Variants in SLC25A13 observed in about 807,000 individuals in gnomAD.
SLC25A13 encodes the protein solute carrier family 25 member 13.
A neutral mutation model predicts 85.5 loss-of-function variants in SLC25A13; 70 were observed. That is an observed-to-expected ratio of 0.82 (90% CI 0.68 to 1.00). The LOEUF (loss-of-function observed/expected upper bound fraction) is 1.00. Ranked by LOEUF, SLC25A13 falls within the 50% of genes least tolerant of loss-of-function variation. The pLI, the probability that SLC25A13 is intolerant of heterozygous loss-of-function variation, is 0.00. For missense variants in SLC25A13, 765 were observed against 819.8 expected (o/e 0.93, Z 0.82); for synonymous variants, 259 against 288.7 (o/e 0.90, Z 1.04).
chr7:96,277,203 T>C lies in SLC25A13; in HGVS notation c.205A>G (p.Lys69Glu), dbSNP rs567369040. ...AATTAAAAATAAACATACCCATCTT[T>C]GGTCTGATCCACCACTCCACTTAAA... Reference protein sequence around the residue: ...ELLSGVVDQTKDGLISFQEFV... With the variant: ...ELLSGVVDQTEDGLISFQEFV... Residue 69 changes from lysine (K) to glutamate (E), a missense_variant, in exon 3 of 18, where the codon AAA becomes GAA. By Grantham distance (56) the Lys-to-Glu change is moderately conservative (BLOSUM62 1). Coordinates refer to ENST00000265631, the MANE Select transcript of SLC25A13 (RefSeq NM_014251.3). 6.3e-7 allele frequency: 1 copy of C among 1,589,602 alleles called. No homozygotes were observed. Among genetic ancestry groups the C allele is most frequent in the Non-Finnish European group, 8.6e-7 (1 of 1,166,588 alleles).
intron 2 of SLC25A13, among the ~76,000 whole-genome samples, chr7:96,290,750 C>T (rs957847696): frequency 6.6e-6 from 1 of 152,110 alleles, no homozygotes; most frequent in Non-Finnish European, 1.5e-5. Flanking sequence ...ACATATGCAC[C>T]CAATACAGGA....
At chr7:96,246,438 T>C (rs932949454) in intron 3 of SLC25A13, among the ~76,000 whole-genome samples, 2 of 152,108 alleles carry the variant, frequency 1.3e-5, no homozygotes, top group Non-Finnish European at 2.9e-5. Context: ...TAAAACAATA[T>C]TCTAAAACGA....
At chr7:96,270,004 C>T (rs1798176159) in intron 3 of SLC25A13, among the ~76,000 whole-genome samples, 1 of 152,086 alleles carries the variant, frequency 6.6e-6, no homozygotes. Context: ...GATGTTGGTC[C>T]AACAATATAA....
chr7:96,274,351 C>G (rs907663738), intron 3 of SLC25A13, among the ~76,000 whole-genome samples: 1 of 151,874 alleles, frequency 6.6e-6, no homozygotes, highest in Non-Finnish European at 1.5e-5. Context: ...TTGTTGATGG[C>G]GCTGTTTGTT....
At chr7:96,269,830 CA>C (rs1798166313) in intron 3 of SLC25A13, among the ~76,000 whole-genome samples, 1 of 152,152 alleles carries the variant, frequency 6.6e-6, no homozygotes, top group South Asian at 2.1e-4. Context: ...ACCTGAAGGA[CA>C]ATATGTTAAG....
At chr7:96,170,999 T>C (rs904612429) in intron 12 of SLC25A13, among the ~76,000 whole-genome samples, 38 of 152,124 alleles carry the variant, frequency 2.5e-4, no homozygotes, top group Non-Finnish European at 4.1e-4. Context: ...ATGAATCCTA[T>C]AAAAACAGCA....
intron 4 of SLC25A13, among the ~76,000 whole-genome samples, chr7:96,225,478 G>A (rs1172341225): frequency 6.6e-6 from 1 of 151,578 alleles, no homozygotes; most frequent in African/African-American, 2.4e-5. Context: ...CAGGCATGTT[G>A]AGGCTGCAGT....
intron 15 of SLC25A13, among the ~76,000 whole-genome samples, 190 bp downstream of exon 15, chr7:96,131,553 T>C (rs1286656145): frequency 6.6e-6 from 1 of 152,240 alleles, no homozygotes; most frequent in African/African-American, 2.4e-5. Context: ...TAAGCTTGTC[T>C]AATAATCTCA....
chr7:96,173,049 C>T lies in SLC25A13; in HGVS notation c.1178-1525G>A, dbSNP rs557245165. ...TCGGGATTACAGGCGTGAGCCACAGCGCCCGGCCTCCAGTTTCTATTTTTA... is the reference window on the plus strand; with the variant it reads ...TCGGGATTACAGGCGTGAGCCACAGTGCCCGGCCTCCAGTTTCTATTTTTA... On this transcript the variant is annotated intron_variant, in intron 11 of 17. Coordinates refer to ENST00000265631, the MANE Select transcript of SLC25A13 (RefSeq NM_014251.3). Among the ~76,000 whole-genome samples the T allele has an allele frequency of 1.2e-4, 18 of 152,332 alleles. No individual in the cohort carries two copies. The South Asian group carries it at 3.1e-3, about 26-fold the overall frequency.
At chr7:96,311,674 C>T (rs1193978266) in intron 1 of SLC25A13, among the ~76,000 whole-genome samples, 2 of 152,072 alleles carry the variant, frequency 1.3e-5, no homozygotes, top group African/African-American at 4.8e-5. Flanking sequence ...TTTAGCATTC[C>T]TACAGGGACT....
chr7:96,151,333 C>T (rs1310004038), intron 13 of SLC25A13, among the ~76,000 whole-genome samples: 1 of 152,134 alleles, frequency 6.6e-6, no homozygotes, highest in East Asian at 1.9e-4. Context: ...TGTGGTGGCT[C>T]ACACCTGTAA....
At chr7:96,282,076 A>G (rs1350432411) in intron 2 of SLC25A13, among the ~76,000 whole-genome samples, 1 of 152,186 alleles carries the variant, frequency 6.6e-6, no homozygotes, top group Non-Finnish European at 1.5e-5. Flanking sequence ...AATATTTTTC[A>G]CTAGTGAGCT....
Position 96,297,993 on chromosome 7 carries a change from C to G in SLC25A13, c.16-1042G>C, listed in dbSNP as rs145693376. Among the ~76,000 whole-genome samples the G allele has an allele frequency of 4.6e-3, 694 of 152,236 alleles. 3 individuals carry two copies. Among genetic ancestry groups the G allele is most frequent in the African/African-American group, 0.016 (652 of 41,542 alleles). ...TTCCTCAGGCCAACACAAAAGAGCC[C>G]TTATGTGGAACCAAACAGTGGGTTT... On this transcript the variant is annotated intron_variant, in intron 1 of 17. Coordinates refer to ENST00000265631, the MANE Select transcript of SLC25A13 (RefSeq NM_014251.3).
intron 1 of SLC25A13, among the ~76,000 whole-genome samples, chr7:96,311,780 T>C (rs1022404245): frequency 1.3e-5 from 2 of 151,810 alleles, no homozygotes; most frequent in Admixed American, 1.3e-4. Flanking sequence ...TACAGAGAAA[T>C]GAAAAGAAGT....
intron 1 of SLC25A13, among the ~76,000 whole-genome samples, chr7:96,319,611 C>T (rs1471910304): frequency 6.6e-6 from 1 of 151,536 alleles, no homozygotes; most frequent in Non-Finnish European, 1.5e-5. Flanking sequence ...AGTAAATGAC[C>T]TCACTGATCA....
chr7:96,179,255 A>T (rs1794333955), intron 11 of SLC25A13, among the ~76,000 whole-genome samples: 1 of 152,202 alleles, frequency 6.6e-6, no homozygotes, highest in South Asian at 2.1e-4. Flanking sequence ...TCTTCTATCT[A>T]AACTATTTCC....
chr7:96,297,701 TCA>T (rs1350125227), intron 1 of SLC25A13, among the ~76,000 whole-genome samples: 3 of 152,166 alleles, frequency 2.0e-5, no homozygotes, highest in East Asian at 1.9e-4. Context: ...GAGTTACTTC[TCA>T]CAGTTTCACC....
At chr7:96,136,156 T>C (rs1792278750) in intron 14 of SLC25A13, among the ~76,000 whole-genome samples, 2 of 152,126 alleles carry the variant, frequency 1.3e-5, no homozygotes, top group South Asian at 4.1e-4. Flanking sequence ...CCATTCCAAT[T>C]CTATATCATG....
At chr7:96,166,998 C>T (rs1008225433) in intron 13 of SLC25A13, 2 of 152,174 alleles carry the variant, frequency 1.3e-5, no homozygotes, top group African/African-American at 2.4e-5. Flanking sequence ...AATGCAGAAA[C>T]CCAAGTTAGG....
Sources: gnomAD v4.1 joint callset for allele counts (sites outside exome capture counted in the v4.1 genomes callset) on GRCh38, gnomAD v4.1.1 for gene constraint, MANE v1.5 for transcripts, NCBI Gene and HGNC (gene_info 2026-07-23, HGNC 2026-07-21) for gene names.